Variants in PRKCZ observed in about 807,000 individuals in gnomAD.
PRKCZ encodes the protein protein kinase C zeta type.
A neutral mutation model predicts 79.5 loss-of-function variants in PRKCZ; 33 were observed. The observed-to-expected ratio is 0.41, with a 90% CI of 0.31 to 0.55. PRKCZ has a LOEUF of 0.55. Ranked by LOEUF, PRKCZ falls within the 20% of genes least tolerant of loss-of-function variation. PRKCZ has a pLI of 0.19. For synonymous variants in PRKCZ, 342 were observed against 320.9 expected (o/e 1.07, Z -0.70); for missense variants, 578 against 813.5 (o/e 0.71, Z 3.52).
At position 2,149,470 on chromosome 1, in the gene PRKCZ, A is replaced by C. The variant is rs1037090648; in HGVS notation, c.687+546A>C. 6.6e-6 allele frequency among the ~76,000 whole-genome samples: 1 copy of C among 152,170 alleles called. No homozygotes were observed. Among genetic ancestry groups the C allele is most frequent in the African/African-American group, 2.4e-5 (1 of 41,442 alleles). On this transcript the variant is annotated intron_variant, in intron 8 of 17. Coordinates refer to ENST00000378567, the MANE Select transcript of PRKCZ (RefSeq NM_002744.6). This position sits in a 1 kb window ranked among gnomAD's most constrained non-coding sequence, Gnocchi z 4.1. ...ACCCAGGGAAGGACTGCACTAGCGA[A>C]GCCCACTCCTTTCCAGAGCACCAAC...
chr1:2,067,070 G>T (rs1313644393), intron 4 of PRKCZ, among the ~76,000 whole-genome samples: 6 of 152,098 alleles, frequency 3.9e-5, no homozygotes, highest in Non-Finnish European at 8.8e-5. Flanking sequence ...ATATATTTGC[G>T]AATTCTTCTG....
At chr1:2,061,043 C>G (rs1454883730) in intron 4 of PRKCZ, among the ~76,000 whole-genome samples, 1 of 152,228 alleles carries the variant, frequency 6.6e-6, no homozygotes, top group Non-Finnish European at 1.5e-5. Context: ...GATGGTTGTC[C>G]CCTCCACAGC....
chr1:2,074,230 C>T (rs771301047), intron 4 of PRKCZ: 53 of 1,550,390 alleles, frequency 3.4e-5, no homozygotes, highest in East Asian at 4.9e-5. Flanking sequence ...ACCTTCTGAG[C>T]GAGGCAGGGG....
chr1:2,169,512 C>T lies in PRKCZ; in HGVS notation c.975-6C>T. On this transcript the variant is annotated splice_polypyrimidine_tract_variant and splice_region_variant and intron_variant, in intron 10 of 17. Transcript: ENST00000378567. The stretch of plus-strand genomic sequence containing the variant: ...ACTGCAGCCTCCGGCGCCTCTCTCC[C>T]TGCAGGTTGTTCCTGGTCATTGAGT... 6.5e-7 allele frequency: 1 copy of T among 1,549,442 alleles called. No homozygotes were observed. The highest frequency in any genetic ancestry group is 8.7e-7 in the Non-Finnish European group (1 of 1,145,790).
chr1:2,184,447 G>C (rs1687233598), intron 16 of PRKCZ, 136 bp from the exon 17 acceptor site: 3 of 618,644 alleles, frequency 4.8e-6, no homozygotes, highest in Admixed American at 3.2e-5. Flanking sequence ...AAAAACACTT[G>C]GCAGTCAAAT....
intron 2 of PRKCZ, among the ~76,000 whole-genome samples, chr1:2,056,155 T>C (rs1660136782): frequency 6.6e-6 from 1 of 152,160 alleles, no homozygotes; most frequent in Admixed American, 6.5e-5. Context: ...TTTCCAGCCA[T>C]AGAGGGCAAG....
At chr1:2,093,626 G>A (rs797007736) in intron 4 of PRKCZ, among the ~76,000 whole-genome samples, 14 of 152,250 alleles carry the variant, frequency 9.2e-5, no homozygotes, top group African/African-American at 2.9e-4. Flanking sequence ...GAGGGTGTCC[G>A]GGTGGCTGTT....
At chr1:2,159,163 A>G (rs750343999) in intron 10 of PRKCZ, among the ~76,000 whole-genome samples, 6 of 152,170 alleles carry the variant, frequency 3.9e-5, no homozygotes, top group African/African-American at 9.7e-5. Flanking sequence ...CCTTAGTCCA[A>G]TAGCTGGGGG....
intron 5 of PRKCZ, chr1:2,141,189 C>G (rs1376654297): frequency 6.6e-6 from 1 of 152,078 alleles, no homozygotes; most frequent in Non-Finnish European, 1.5e-5. Flanking sequence ...ACTTACAAAG[C>G]ACACACGTGA....
At chr1:2,143,120 C>A (rs1001135911) in intron 5 of PRKCZ, 2 of 151,562 alleles carry the variant, frequency 1.3e-5, no homozygotes, top group Non-Finnish European at 2.9e-5. Context: ...GCTCCGCCTC[C>A]GGGGTTCACG....
chr1:2,097,172 C>T (rs1035436179), intron 4 of PRKCZ, among the ~76,000 whole-genome samples: 18 of 152,234 alleles, frequency 1.2e-4, no homozygotes, highest in African/African-American at 3.6e-4. Context: ...AGCAGCAAAG[C>T]AGTTCATTAG....
intron 4 of PRKCZ, among the ~76,000 whole-genome samples, chr1:2,096,061 G>T (rs1666454444): frequency 6.6e-6 from 1 of 151,406 alleles, no homozygotes; most frequent in Admixed American, 6.6e-5. Flanking sequence ...AGCCAGGCAG[G>T]GTCTCCTGCA....
intron 4 of PRKCZ, among the ~76,000 whole-genome samples, chr1:2,076,569 C>G (rs1244278090): frequency 6.6e-6 from 1 of 152,006 alleles, no homozygotes; most frequent in Non-Finnish European, 1.5e-5. Context: ...TGGAGAAACC[C>G]CGGCTCTACT....
intron 4 of PRKCZ, among the ~76,000 whole-genome samples, chr1:2,102,481 C>T (rs907153559): frequency 1.3e-4 from 19 of 151,896 alleles, no homozygotes; most frequent in East Asian, 5.8e-4. Context: ...TACAGGCGCC[C>T]ACCACCACGT....
At chr1:2,124,716 C>T (rs908560901) in intron 4 of PRKCZ, among the ~76,000 whole-genome samples, 9 of 152,100 alleles carry the variant, frequency 5.9e-5, no homozygotes, top group African/African-American at 2.2e-4. Context: ...TGGCCCTGAA[C>T]CCCAGTTTTT....
At chr1:2,126,490 C>T (rs527761670) in intron 4 of PRKCZ, among the ~76,000 whole-genome samples, 11 of 152,148 alleles carry the variant, frequency 7.2e-5, no homozygotes, top group African/African-American at 2.4e-4. Context: ...GACCCTGCCC[C>T]GCCGACCCTG....
chr1:2,160,250 T>C (rs982825929), intron 10 of PRKCZ, among the ~76,000 whole-genome samples: 1 of 151,690 alleles, frequency 6.6e-6, no homozygotes, highest in Admixed American at 6.6e-5. Context: ...TGTGTGTGTG[T>C]GTGTGTGTGT....
intron 11 of PRKCZ, among the ~76,000 whole-genome samples, chr1:2,171,365 A>G (rs1053800720): frequency 7.0e-6 from 1 of 142,716 alleles, no homozygotes; most frequent in Admixed American, 6.8e-5. Flanking sequence ...AAAAGGTCAT[A>G]TTTAATTTTT....
At chr1:2,076,783 A>G (rs1430646636) in intron 4 of PRKCZ, among the ~76,000 whole-genome samples, 1 of 151,520 alleles carries the variant, frequency 6.6e-6, no homozygotes, top group Non-Finnish European at 1.5e-5. Flanking sequence ...AAAAGAAGCC[A>G]CCTGAACCAG....
Sources: allele counts gnomAD v4.1 joint callset (sites outside exome capture counted in the v4.1 genomes callset), GRCh38; gene constraint gnomAD v4.1.1; non-coding constraint Gnocchi (gnomAD v3.1); transcripts MANE v1.5; gene names NCBI Gene and HGNC (gene_info 2026-07-23, HGNC 2026-07-21).